LRRC28: variants seen among roughly 807,000 people sequenced by gnomAD.
LRRC28 encodes leucine-rich repeat-containing protein 28.
A neutral mutation model predicts 45.7 loss-of-function variants in LRRC28; 39 were observed. The ratio of observed to expected loss-of-function variants is 0.85; its 90% CI spans 0.66 to 1.12. The LOEUF (loss-of-function observed/expected upper bound fraction) is 1.12, where lower values mean the gene tolerates loss of function less well. Among genes scored for constraint, LRRC28 ranks in the 50% most tolerant of loss-of-function variants. The pLI is 0.00. For missense variants in LRRC28, 435 were observed against 438.5 expected (o/e 0.99, Z 0.07); for synonymous variants, 206 against 178.8 (o/e 1.15, Z -1.22).
At chr15:99,321,435 CT>C (rs1363043461) in intron 5 of LRRC28, among the ~76,000 whole-genome samples, 1 of 152,146 alleles carries the variant, frequency 6.6e-6, no homozygotes, top group Non-Finnish European at 1.5e-5. Flanking sequence ...GGCTATTTAG[CT>C]TGTGGGCAGC....
At position 99,334,070 on chromosome 15, in the gene LRRC28, A is replaced by G. The variant is rs1269588621; in HGVS notation, c.533A>G (p.Gln178Arg). The change falls in exon 6 of 10, where the codon CAG becomes CGG. Residue 178 changes from glutamine to arginine, a missense_variant. Gln to Arg is a conservative substitution (Grantham distance 43). Coordinates refer to ENST00000301981, the MANE Select transcript of LRRC28 (RefSeq NM_144598.5). ...TGGTATGTGCCGCGCCATCTCTGCC[A>G]GCTGCCCAGCCTCAATGAGCTCTCC... ...RLWYVPRHLC[Q>R]LPSLNELSMA... The G allele has an allele frequency of 6.2e-7, 1 of 1,614,010 alleles. No individual in the cohort carries two copies. Among genetic ancestry groups the G allele is most frequent in the Non-Finnish European group, 8.5e-7 (1 of 1,180,002 alleles).
intron 2 of LRRC28, chr15:99,259,776 CA>C (rs1369370783): frequency 8.0e-7 from 1 of 1,243,888 alleles, no homozygotes; most frequent in Non-Finnish European, 1.2e-6. Context: ...TTTGAAACAG[CA>C]ATGCAGCAGT....
chr15:99,351,905 G>A (rs1261393120), intron 6 of LRRC28, among the ~76,000 whole-genome samples: 1 of 152,206 alleles, frequency 6.6e-6, no homozygotes, highest in Non-Finnish European at 1.5e-5. Flanking sequence ...TCATTGGATG[G>A]AAAATTGCTC....
chr15:99,302,529 C>A (rs896377552), intron 5 of LRRC28, among the ~76,000 whole-genome samples: 1 of 152,200 alleles, frequency 6.6e-6, no homozygotes, highest in African/African-American at 2.4e-5. Context: ...GCTGGGATTA[C>A]AGGCATGTGC....
chr15:99,326,289 C>T (rs1347266709), intron 5 of LRRC28, among the ~76,000 whole-genome samples: 1 of 152,090 alleles, frequency 6.6e-6, no homozygotes, highest in African/African-American at 2.4e-5. Flanking sequence ...TCTTCAGACC[C>T]CCATTAGGGT....
intron 5 of LRRC28, among the ~76,000 whole-genome samples, chr15:99,303,868 G>A (rs2152249400): frequency 6.6e-6 from 1 of 152,042 alleles, no homozygotes; most frequent in African/African-American, 2.4e-5. Flanking sequence ...ATATTCAAAT[G>A]GAGGCAAAGC....
At chr15:99,335,758 A>T (rs1956301918) in intron 6 of LRRC28, among the ~76,000 whole-genome samples, 1 of 152,062 alleles carries the variant, frequency 6.6e-6, no homozygotes, top group Non-Finnish European at 1.5e-5. Flanking sequence ...TGGAGATGGA[A>T]GTGTGACCTA....
In LRRC28 at chr15:99,257,705, TG is replaced by T. The variant is rs901363090; in HGVS notation, c.168+1581del. On this transcript the variant is annotated intron_variant, in intron 2 of 9. Coordinates refer to ENST00000301981, the MANE Select transcript of LRRC28 (RefSeq NM_144598.5). The stretch of plus-strand genomic sequence containing the variant: ...GGTCGGTCAGAGCTGTTGATGAAGT[TG>T]ATGTGGAAGGTACAGTAGAAGAGGA... The T allele has an allele frequency of 1.7e-5, 13 of 767,308 alleles. No individual in the cohort carries two copies. The Admixed American group carries it at 2.3e-4, about 13-fold the overall frequency. The allele number at this position is 767,308 out of a possible 1,614,324, so 47.5% of individuals were successfully genotyped here.
chr15:99,305,052 C>T (rs147972514), intron 5 of LRRC28, among the ~76,000 whole-genome samples: 7 of 152,158 alleles, frequency 4.6e-5, no homozygotes, highest in East Asian at 1.9e-4. Context: ...CAGATCTTAG[C>T]GGTAGGAGTT....
At chr15:99,269,455 G>A (rs1052707051) in intron 2 of LRRC28, among the ~76,000 whole-genome samples, 9 of 151,892 alleles carry the variant, frequency 5.9e-5, no homozygotes, top group African/African-American at 1.9e-4. Flanking sequence ...CCAGGCTGGA[G>A]TGCAGTGGCA....
At chr15:99,370,648 A>G (rs1349798592) in intron 9 of LRRC28, among the ~76,000 whole-genome samples, 2 of 152,242 alleles carry the variant, frequency 1.3e-5, no homozygotes, top group Admixed American at 6.5e-5. Context: ...TATACATATT[A>G]AAAAAGAAAA....
intron 7 of LRRC28, among the ~76,000 whole-genome samples, chr15:99,360,215 C>T (rs1489465761): frequency 6.6e-6 from 1 of 152,138 alleles, no homozygotes; most frequent in East Asian, 1.9e-4. Context: ...CATATTCTTT[C>T]AGGCTTCTGT....
chr15:99,330,491 C>T lies in LRRC28; in HGVS notation c.386-3432C>T, dbSNP rs913224980. Among the ~76,000 whole-genome samples the T allele has an allele frequency of 4.6e-5, 7 of 152,068 alleles. No homozygotes were observed. The East Asian group carries it at 7.7e-4, about 17-fold the overall frequency. On this transcript the variant is annotated intron_variant, in intron 5 of 9. Transcript: ENST00000301981. ...ATCCATTTTACTATTATGAAATATT[C>T]GTCTTTGCCTCTTATAGCATTTCTT... is the stretch of plus-strand genomic sequence containing the variant.
At chr15:99,284,889 C>T (rs559861717) in intron 3 of LRRC28, 3 of 581,734 alleles carry the variant, frequency 5.2e-6, no homozygotes, top group Non-Finnish European at 9.9e-6. Flanking sequence ...ATCACCATGG[C>T]TGCCACCAAA....
intron 2 of LRRC28, among the ~76,000 whole-genome samples, chr15:99,262,576 G>A (rs1356295564): frequency 2.6e-5 from 4 of 151,920 alleles, no homozygotes; most frequent in East Asian, 1.9e-4. Context: ...AGTGAGACTC[G>A]GTCTCAAAAA....
intron 5 of LRRC28, among the ~76,000 whole-genome samples, chr15:99,326,253 G>C (rs984817147): frequency 2.6e-5 from 4 of 152,150 alleles, no homozygotes; most frequent in Admixed American, 2.6e-4. Context: ...GGTTTTAAAA[G>C]GTATACTTTC....
chr15:99,311,796 T>C (rs908210947), intron 5 of LRRC28, among the ~76,000 whole-genome samples: 1 of 152,226 alleles, frequency 6.6e-6, no homozygotes, highest in African/African-American at 2.4e-5. Flanking sequence ...CTCTAGAATA[T>C]GATCTATCGG....
intron 3 of LRRC28, chr15:99,285,091 G>A (rs1167534420): frequency 1.4e-6 from 1 of 695,878 alleles, no homozygotes; most frequent in East Asian, 2.6e-5. Flanking sequence ...GTATTTCTGA[G>A]TGACAGTCTT....
chr15:99,377,243 T>G (rs1044885178), intron 9 of LRRC28, among the ~76,000 whole-genome samples: 1 of 151,704 alleles, frequency 6.6e-6, no homozygotes, highest in Admixed American at 6.5e-5. Context: ...CCATTCTAAC[T>G]GGTGTGAGAT....
Sources: gnomAD v4.1 joint callset for allele counts (sites outside exome capture counted in the v4.1 genomes callset) on GRCh38, gnomAD v4.1.1 for gene constraint, MANE v1.5 for transcripts, NCBI Gene and HGNC (gene_info 2026-07-23, HGNC 2026-07-21) for gene names.